Variants in RTN4 observed in about 807,000 individuals in gnomAD.
RTN4 encodes reticulon-4.
A neutral mutation model predicts 90.4 loss-of-function variants in RTN4; 32 were observed. That is an observed-to-expected ratio of 0.35 (90% CI 0.27 to 0.48). The LOEUF (loss-of-function observed/expected upper bound fraction) is 0.48, where lower values mean the gene tolerates loss of function less well. Among genes scored for constraint, RTN4 ranks in the 20% least tolerant of loss-of-function variants. The pLI is 0.99. For missense variants in RTN4, 1,706 were observed against 1,430.2 expected (o/e 1.19, Z -3.11); for synonymous variants, 629 against 552.5 (o/e 1.14, Z -1.94).
At chr2:55,127,175 T>C in the RTN4 span, among the ~76,000 whole-genome samples, 2 of 151,938 alleles carry the variant, frequency 1.3e-5, no homozygotes, top group African/African-American at 4.8e-5. Flanking sequence ...AGTTTAAAAG[T>C]AACCTTTAAT....
Position 54,982,506 on chromosome 2 carries a change from T to C in RTN4, c.3360+9A>G, listed in dbSNP as rs1458078100. On this transcript the variant is annotated intron_variant, in intron 5 of 8. Transcript: ENST00000337526. ...GGTATATCAAAAATGAAAGGCAAAA[T>C]AAACTTACCTTCAGAGAATCAACTA... 2 of 1,602,914 alleles carry C rather than the reference T, an allele frequency of 1.2e-6. No individual in the cohort carries two copies. The highest frequency in any genetic ancestry group is 1.7e-6 in the Non-Finnish European group (2 of 1,176,836).
chr2:55,008,979 A>C (rs1680438050), intron 3 of RTN4, among the ~76,000 whole-genome samples: 1 of 152,156 alleles, frequency 6.6e-6, no homozygotes, highest in Non-Finnish European at 1.5e-5. Context: ...GCAAAACCCA[A>C]AGCTGTATTG....
At chr2:55,066,018 T>C (rs1668383539) in intron 2 of RTN4, among the ~76,000 whole-genome samples, 1 of 152,248 alleles carries the variant, frequency 6.6e-6, no homozygotes, top group Non-Finnish European at 1.5e-5. Context: ...CAATAATTTC[T>C]TTTAAATTCA....
At chr2:55,118,394 G>A in the RTN4 span, among the ~76,000 whole-genome samples, 1 of 151,984 alleles carries the variant, frequency 6.6e-6, no homozygotes, top group Non-Finnish European at 1.5e-5. Context: ...GAGCTCAAGA[G>A]GTCAAGGCTG....
chr2:54,992,337 TAA>T (rs1324084173), intron 3 of RTN4, among the ~76,000 whole-genome samples: 2 of 152,232 alleles, frequency 1.3e-5, no homozygotes, highest in Admixed American at 6.5e-5. Context: ...CTTAGCTGAT[TAA>T]AGTGCTTCAA....
intron 3 of RTN4, among the ~76,000 whole-genome samples, chr2:55,004,526 A>T (rs1366694182): frequency 3.3e-5 from 5 of 152,180 alleles, no homozygotes; most frequent in Admixed American, 6.6e-5. Flanking sequence ...GAATCTACAG[A>T]AGTTCCTTCA....
Position 55,025,934 on chromosome 2 carries a change from G to A in RTN4, c.2165C>T (p.Ala722Val). The A allele has an allele frequency of 6.2e-7, 1 of 1,612,640 alleles. No individual in the cohort carries two copies. The highest frequency in any genetic ancestry group is 8.5e-7 in the Non-Finnish European group (1 of 1,179,616). ...ATCAGGCACTGGCTGTTCAACTTTT[G>A]CCATTTCTGAATAATCAGAGAAATC... is the stretch of plus-strand genomic sequence containing the variant. Reference protein sequence around the residue: ...APDFSDYSEMAKVEQPVPDHS... With the variant: ...APDFSDYSEMVKVEQPVPDHS... Residue 722 changes from alanine (A) to valine (V), a missense_variant, in exon 3 of 9, where the codon GCA becomes GTA. Ala to Val is a moderately conservative substitution (Grantham distance 64, BLOSUM62 0). Transcript: ENST00000337526.
At position 55,025,283 on chromosome 2, in the gene RTN4, GAAA is replaced by G. The variant is rs779359345; in HGVS notation, c.2813_2815del (p.Phe938del). 5 of 1,613,890 alleles carry G rather than the reference GAAA, an allele frequency of 3.1e-6. No homozygotes were observed. In the Admixed American group the frequency reaches 8.3e-5, roughly 27 times the overall value. ...CTTTGATGTAGCAGACCCATTTTTA[GAAA>G]AGTCATCTGAGAAACTGATTTTCTC... is the stretch of plus-strand genomic sequence containing the variant. On this transcript the variant is annotated inframe_deletion, in exon 3 of 9. Transcript: ENST00000337526.
At chr2:54,997,106 T>C (rs942316939) in intron 3 of RTN4, among the ~76,000 whole-genome samples, 1 of 152,122 alleles carries the variant, frequency 6.6e-6, no homozygotes, top group South Asian at 2.1e-4. Flanking sequence ...GAGAAAACAC[T>C]TGCAAACCAA....
chr2:54,972,192 T>TAAGTCTATAA lies in RTN4; in HGVS notation c.*954_*963dup, dbSNP rs2104579342. On this transcript the variant is annotated 3_prime_UTR_variant, in exon 9 of 9. Transcript: ENST00000337526. The stretch of plus-strand genomic sequence containing the variant: ...GAAATGAAAATACCAAAGCATATTT[T>TAAGTCTATAA]AAGTCTATAAGCTTTATTGATACTT... 6.5e-6 allele frequency: 1 copy of TAAGTCTATAA among 152,776 alleles called. No individual in the cohort carries two copies. Among genetic ancestry groups the TAAGTCTATAA allele is most frequent in the African/African-American group, 2.4e-5 (1 of 41,570 alleles). 9.5% of individuals were successfully genotyped at this position (152,776 alleles called of 1,614,324 possible).
chr2:55,077,756 T>TATACACAC (rs1668628641), intron 2 of RTN4, among the ~76,000 whole-genome samples: 1 of 144,350 alleles, frequency 6.9e-6, no homozygotes, highest in South Asian at 2.2e-4. Flanking sequence ...AAATGTTTTA[T>TATACACAC]ACACACACAC....
the RTN4 span, among the ~76,000 whole-genome samples, chr2:55,136,324 G>A: frequency 0.093 from 14,225 of 152,208 alleles, 765 homozygotes; most frequent in East Asian, 0.22. Context: ...CCAGGTGCTG[G>A]CAGGCAACTG....
chr2:55,086,357 T>C (rs1249369304), intron 1 of RTN4, among the ~76,000 whole-genome samples: 1 of 151,950 alleles, frequency 6.6e-6, no homozygotes, highest in Non-Finnish European at 1.5e-5. Context: ...GTTACCAAGA[T>C]CAAGAAATAG....
At chr2:55,066,844 T>G (rs957007371) in intron 2 of RTN4, among the ~76,000 whole-genome samples, 6 of 152,174 alleles carry the variant, frequency 3.9e-5, no homozygotes, top group Admixed American at 1.3e-4. Context: ...ATTGGCCATT[T>G]CATATAGTTC....
At chr2:54,993,474 G>C (rs1679185596) in intron 3 of RTN4, among the ~76,000 whole-genome samples, 1 of 152,216 alleles carries the variant, frequency 6.6e-6, no homozygotes, top group African/African-American at 2.4e-5. Context: ...TTTTCCCAAA[G>C]TTAATGATAC....
At chr2:55,057,937 T>A (rs1003317178) in intron 2 of RTN4, among the ~76,000 whole-genome samples, 1 of 152,160 alleles carries the variant, frequency 6.6e-6, no homozygotes, top group Non-Finnish European at 1.5e-5. Context: ...AAGGCATGAT[T>A]GTACCATTGC....
chr2:55,063,809 A>G (rs941007706), intron 2 of RTN4, among the ~76,000 whole-genome samples: 1 of 151,922 alleles, frequency 6.6e-6, no homozygotes, highest in Non-Finnish European at 1.5e-5. Flanking sequence ...TGAACCTGGG[A>G]GGCAGAGGTT....
chr2:55,006,174 C>T (rs1337258119), intron 3 of RTN4, among the ~76,000 whole-genome samples: 2 of 152,108 alleles, frequency 1.3e-5, no homozygotes, highest in Non-Finnish European at 1.5e-5. Flanking sequence ...ATTCTCTATG[C>T]GATGTGAGTT....
intron 2 of RTN4, among the ~76,000 whole-genome samples, chr2:55,057,617 A>G (rs1376257256): frequency 6.6e-6 from 1 of 152,204 alleles, no homozygotes; most frequent in African/African-American, 2.4e-5. Context: ...ATTTTTGAGC[A>G]GAAGAACTTG....
Sources: allele counts gnomAD v4.1 joint callset (sites outside exome capture counted in the v4.1 genomes callset), GRCh38; gene constraint gnomAD v4.1.1; transcripts MANE v1.5; gene names NCBI Gene and HGNC (gene_info 2026-07-23, HGNC 2026-07-21).